The following CCNY variants were observed in gnomAD, a reference collection of about 807,000 sequenced individuals.
CCNY encodes cyclin-Y.
Under a neutral mutation model 42.8 loss-of-function variants are expected in CCNY, and 19 were observed. That is an observed-to-expected ratio of 0.44 (90% CI 0.31 to 0.65). CCNY has a LOEUF of 0.65. Ranked by LOEUF, CCNY falls within the 30% of genes least tolerant of loss-of-function variation. The pLI is 0.07. For missense variants in CCNY, 370 were observed against 437.3 expected, an observed-to-expected ratio of 0.85 and a Z score of 1.37; for synonymous variants, 165 against 162.7, an observed-to-expected ratio of 1.01 and a Z score of -0.11.
chr10:35,565,945 C>G, intron 8 of CCNY, 78 bp from the exon 9 acceptor site: 1 of 1,442,224 alleles, frequency 6.9e-7, no homozygotes, highest in Non-Finnish European at 9.4e-7. Context: ...GGAGTCTGGT[C>G]TCCAGCAACT....
At chr10:35,513,533 T>C (rs937517809) in intron 3 of CCNY, among the ~76,000 whole-genome samples, 7 of 152,354 alleles carry the variant, frequency 4.6e-5, no homozygotes, top group African/African-American at 1.7e-4. Context: ...AACGATTACC[T>C]GCAGGTGCTT....
intron 3 of CCNY, among the ~76,000 whole-genome samples, chr10:35,508,528 G>T (rs888530444): frequency 6.6e-6 from 1 of 152,212 alleles, no homozygotes; most frequent in African/African-American, 2.4e-5. Flanking sequence ...GTGGCAAACA[G>T]TGCTAGAACC....
intron 3 of CCNY, chr10:35,327,635 T>A (rs1485198479): frequency 6.6e-6 from 1 of 152,178 alleles, no homozygotes; most frequent in Non-Finnish European, 1.5e-5. Context: ...ACTTTTAGGG[T>A]ATGGAAGATA....
Position 35,290,283 on chromosome 10 carries a change from G to A in CCNY, c.-9+39657G>A, listed in dbSNP as rs953306682. On this transcript the variant is annotated intron_variant, in intron 3 of 11. Coordinates refer to the CCNY transcript ENST00000374706. Reference sequence around the variant, plus strand: ...ACACACAAAATTAGCTGGGCATCGCGGTATGCGCCTGTAATCCCAGCTACT... The same window carrying A: ...ACACACAAAATTAGCTGGGCATCGCAGTATGCGCCTGTAATCCCAGCTACT... 6.2e-5 allele frequency among the ~76,000 whole-genome samples: 9 copies of A among 144,550 alleles called. No homozygotes were observed. The South Asian group carries it at 1.1e-3, about 17-fold the overall frequency. The allele number at this position is 144,550 out of a possible 152,430, so 94.8% of individuals were successfully genotyped here.
rs146052148 is a variant in CCNY, at chr10:35,282,808, C to T, written c.-9+32182C>T. Among the ~76,000 whole-genome samples the T allele has an allele frequency of 7.9e-5, 12 of 151,866 alleles. No homozygotes were observed. The East Asian group carries it at 2.1e-3, about 27-fold the overall frequency. On this transcript the variant is annotated intron_variant, in intron 3 of 11. Transcript: ENST00000374706. ...TGGTCAGTGCATGTTGTTCTGTACT[C>T]GCAATGAAGAAGAGCCTATTGCCAG...
At chr10:35,421,431 C>G (rs1838156944) in intron 1 of CCNY, among the ~76,000 whole-genome samples, 1 of 152,192 alleles carries the variant, frequency 6.6e-6, no homozygotes. Flanking sequence ...CAGTGCCTTC[C>G]AGTCCTGGGC....
chr10:35,387,883 C>T (rs1221732912), intron 1 of CCNY, among the ~76,000 whole-genome samples: 2 of 152,144 alleles, frequency 1.3e-5, no homozygotes, highest in African/African-American at 4.8e-5. Flanking sequence ...CACAGCTTTC[C>T]TGAAAATAGC....
chr10:35,342,520 T>G (rs1836204224), intron 1 of CCNY, among the ~76,000 whole-genome samples: 1 of 152,228 alleles, frequency 6.6e-6, no homozygotes, highest in African/African-American at 2.4e-5. Flanking sequence ...ACTTTTCATG[T>G]TTCTCTTTCA....
At chr10:35,552,779 T>A (rs1049726245) in intron 7 of CCNY, among the ~76,000 whole-genome samples, 17 of 152,258 alleles carry the variant, frequency 1.1e-4, no homozygotes, top group Non-Finnish European at 2.4e-4. Context: ...CCTGGAATTG[T>A]TTCCTCCACA....
chr10:35,320,582 G>C (rs989180419), intron 3 of CCNY, among the ~76,000 whole-genome samples: 6 of 152,106 alleles, frequency 3.9e-5, no homozygotes, highest in Non-Finnish European at 7.3e-5. Flanking sequence ...CCAGTCTCAG[G>C]ATTTCTATTA....
chr10:35,428,515 G>A lies in CCNY; in HGVS notation c.155-54889G>A, dbSNP rs115275063. Among the ~76,000 whole-genome samples the A allele has an allele frequency of 6.8e-3, 1,034 of 152,322 alleles. 11 individuals are homozygous for A. Among genetic ancestry groups the A allele is most frequent in the African/African-American group, 0.024 (989 of 41,566 alleles). ...AGGTAGGCAGGAGCAGATTAAACAT[G>A]GCTGTGTAGGCTATATTAATAATTT... On this transcript the variant is annotated intron_variant, in intron 1 of 9. Coordinates refer to ENST00000374704, the MANE Select transcript of CCNY (RefSeq NM_145012.6).
At chr10:35,516,661 C>G (rs12765518) in intron 4 of CCNY, 38 bp downstream of exon 4, 1 of 326,924 alleles carries the variant, frequency 3.1e-6, no homozygotes, top group Non-Finnish European at 4.9e-6. Context: ...TCCTTCCTTC[C>G]TTTTTTTTTT....
At chr10:35,439,807 G>A (rs1440693316) in intron 1 of CCNY, among the ~76,000 whole-genome samples, 1 of 152,042 alleles carries the variant, frequency 6.6e-6, no homozygotes, top group Non-Finnish European at 1.5e-5. Flanking sequence ...AGGATGGTGG[G>A]CCACTCCCTT....
chr10:35,451,654 A>G (rs1838919616), intron 1 of CCNY, among the ~76,000 whole-genome samples: 1 of 152,194 alleles, frequency 6.6e-6, no homozygotes, highest in Non-Finnish European at 1.5e-5. Context: ...AGGCGGGTTG[A>G]GAATGGACAC....
intron 3 of CCNY, among the ~76,000 whole-genome samples, chr10:35,304,725 T>C (rs1835585932): frequency 6.6e-6 from 1 of 152,206 alleles, no homozygotes; most frequent in Non-Finnish European, 1.5e-5. Flanking sequence ...GTCCTGTGCC[T>C]TGTAGGATGT....
At chr10:35,504,715 C>T (rs1424095163) in intron 3 of CCNY, among the ~76,000 whole-genome samples, 1 of 152,164 alleles carries the variant, frequency 6.6e-6, no homozygotes, top group African/African-American at 2.4e-5. Flanking sequence ...TGGCTCACTG[C>T]AACCTCCCCA....
upstream of CCNY, chr10:35,336,134 G>A (rs2135110355): frequency 6.6e-6 from 1 of 152,348 alleles, no homozygotes; most frequent in Admixed American, 6.5e-5. Flanking sequence ...GTTTCGGAGA[G>A]GCAGGTGCAG....
intron 1 of CCNY, among the ~76,000 whole-genome samples, chr10:35,420,195 C>G (rs2135262095): frequency 6.6e-6 from 1 of 152,260 alleles, no homozygotes; most frequent in Middle Eastern, 3.4e-3. Flanking sequence ...AAATCTGGAT[C>G]ATGGTGCATC....
At chr10:35,482,752 GTGTGT>G (rs1564428885) in intron 1 of CCNY, among the ~76,000 whole-genome samples, 20 of 43,662 alleles carry the variant, frequency 4.6e-4, no homozygotes, top group African/African-American at 3.8e-3. Context: ...GGAAATAGGT[GTGTGT>G]GTGTGTGTGT....
Sources: allele counts gnomAD v4.1 joint callset (sites outside exome capture counted in the v4.1 genomes callset), GRCh38; gene constraint gnomAD v4.1.1; transcripts MANE v1.5; gene names NCBI Gene and HGNC (gene_info 2026-07-23, HGNC 2026-07-21).